Variants in GALK2 observed in about 807,000 individuals in gnomAD.
GALK2 encodes N-acetylgalactosamine kinase.
GALK2 carries 36 observed loss-of-function variants against 52.4 expected under a neutral mutation model. That is an observed-to-expected ratio of 0.69 (90% CI 0.53 to 0.91). The LOEUF (loss-of-function observed/expected upper bound fraction) is 0.91. Ranked by LOEUF, GALK2 falls within the 40% of genes least tolerant of loss-of-function variation. The pLI, the probability that GALK2 is intolerant of heterozygous loss-of-function variation, is 0.00. For missense variants in GALK2, 579 were observed against 559.1 expected (o/e 1.04, Z -0.36); for synonymous variants, 176 against 199.1 (o/e 0.88, Z 0.98).
intron 8 of GALK2, among the ~76,000 whole-genome samples, chr15:49,299,735 T>TTTCTTTC (rs1347140534): frequency 1.3e-4 from 10 of 77,530 alleles, no homozygotes; most frequent in African/African-American, 3.9e-4. Flanking sequence ...TCTTTCTTTC[T>TTTCTTTC]TTTCTTTCTT....
intron 7 of GALK2, among the ~76,000 whole-genome samples, chr15:49,288,677 G>A (rs1290058899): frequency 6.6e-6 from 1 of 152,192 alleles, no homozygotes; most frequent in Admixed American, 6.5e-5. Flanking sequence ...GAGCTGCATG[G>A]CAGAGGACAT....
intron 5 of GALK2, among the ~76,000 whole-genome samples, chr15:49,259,144 A>G (rs1036080317): frequency 1.3e-5 from 2 of 151,720 alleles, no homozygotes; most frequent in African/African-American, 2.4e-5. Context: ...GGAGATGATC[A>G]TAGACCTCAG....
At chr15:49,259,551 G>A (rs905022507) in intron 5 of GALK2, among the ~76,000 whole-genome samples, 4 of 148,936 alleles carry the variant, frequency 2.7e-5, no homozygotes, top group African/African-American at 5.0e-5. Context: ...AGTATTCCAT[G>A]GTGTATATGT....
At position 49,331,347 on chromosome 15, in the gene GALK2, TTTTC is replaced by T. The variant is rs1402492145; in HGVS notation, c.*3198_*3201del. 1 of 154,192 alleles carries T rather than the reference TTTTC, an allele frequency of 6.5e-6. No homozygotes were observed. Among genetic ancestry groups the T allele is most frequent in the Non-Finnish European group, 1.4e-5 (1 of 69,488 alleles). The allele number at this position is 154,192 out of a possible 1,614,324, so 9.6% of individuals were successfully genotyped here. A position where few individuals can be genotyped will look rare whatever the true frequency, so the allele number is the denominator to read the frequency against. On this transcript the variant is annotated 3_prime_UTR_variant, in exon 10 of 10. Coordinates refer to ENST00000560031, the MANE Select transcript of GALK2 (RefSeq NM_002044.4). ...CAGAAAGATGGAACAGGCTCCTTTCTTTTCTTTCTTTCTCATACTTGAGTCCTGT... is the reference window on the plus strand; with the variant it reads ...CAGAAAGATGGAACAGGCTCCTTTCTTTTCTTTCTCATACTTGAGTCCTGT...
chr15:49,258,351 A>G (rs1595860814), intron 5 of GALK2, among the ~76,000 whole-genome samples: 1 of 152,014 alleles, frequency 6.6e-6, no homozygotes, highest in African/African-American at 2.4e-5. Flanking sequence ...AGTATATTTT[A>G]AGGAAGTAAG....
At chr15:49,189,821 T>C (rs923765110) in intron 1 of GALK2, among the ~76,000 whole-genome samples, 3 of 152,182 alleles carry the variant, frequency 2.0e-5, no homozygotes, top group Non-Finnish European at 2.9e-5. Flanking sequence ...CTACTCAGAA[T>C]AGTGTGCAAT....
intron 8 of GALK2, among the ~76,000 whole-genome samples, chr15:49,299,730 CTTTCTTTTCTTTCTTTCTTTCTTTCTTT>C (rs1567037150): frequency 8.8e-5 from 4 of 45,208 alleles, no homozygotes; most frequent in African/African-American, 3.6e-4. Context: ...TTCTTTCTTT[CTTTCTTTTCTTTCTTTCTTTCTTTCTTT>C]CTTTCTTTCT....
chr15:49,216,299 C>T (rs1339262761), intron 2 of GALK2, among the ~76,000 whole-genome samples: 3 of 152,156 alleles, frequency 2.0e-5, no homozygotes, highest in Non-Finnish European at 4.4e-5. Flanking sequence ...CAGTGGATTC[C>T]CTCTGAATGA....
intron 5 of GALK2, among the ~76,000 whole-genome samples, chr15:49,251,478 C>T (rs909367266): frequency 6.6e-6 from 1 of 152,122 alleles, no homozygotes; most frequent in African/African-American, 2.4e-5. Context: ...AGAGTGCTGG[C>T]AGAGGTTCAT....
chr15:49,234,348 G>T (rs1282378146), intron 3 of GALK2, among the ~76,000 whole-genome samples: 1 of 151,996 alleles, frequency 6.6e-6, no homozygotes, highest in Non-Finnish European at 1.5e-5. Flanking sequence ...CTTTACTGGT[G>T]GTGTTAATTT....
intron 2 of GALK2, among the ~76,000 whole-genome samples, chr15:49,210,929 T>C (rs377432478): frequency 3.2e-4 from 48 of 149,084 alleles, no homozygotes; most frequent in African/African-American, 1.2e-3. Flanking sequence ...GTATTTTTAC[T>C]AGAGACGGGG....
At chr15:49,232,831 C>T (rs893745869) in intron 3 of GALK2, among the ~76,000 whole-genome samples, 4 of 152,192 alleles carry the variant, frequency 2.6e-5, no homozygotes, top group Non-Finnish European at 5.9e-5. Context: ...AGAAGTTCCT[C>T]ATTTTCATCT....
rs141235481 is a variant in GALK2 at position 49,309,774 on chromosome 15, C to T, written c.968-9830C>T. On this transcript the variant is annotated intron_variant, in intron 8 of 9. Coordinates refer to ENST00000560031, the MANE Select transcript of GALK2 (RefSeq NM_002044.4). ...TAGCTGGGATTACAGGCATGCCCCA[C>T]GACGCCCGGCTAATTTTGTATTTTT... Among the ~76,000 whole-genome samples the T allele has an allele frequency of 6.4e-3, 968 of 152,114 alleles. 15 individuals carry two copies. The highest frequency in any genetic ancestry group is 0.022 in the African/African-American group (912 of 41,468).
chr15:49,254,565 C>A (rs1482665180), intron 5 of GALK2, among the ~76,000 whole-genome samples: 2 of 142,880 alleles, frequency 1.4e-5, no homozygotes, highest in Non-Finnish European at 3.1e-5. Flanking sequence ...TATTTTAATT[C>A]TCATCAGGTT....
chr15:49,253,152 T>C (rs2091680007), intron 5 of GALK2, among the ~76,000 whole-genome samples: 1 of 145,252 alleles, frequency 6.9e-6, no homozygotes, highest in African/African-American at 2.5e-5. Flanking sequence ...TTTAGTCATA[T>C]TTAATCACAT....
chr15:49,295,734 C>G (rs758805901), intron 8 of GALK2, among the ~76,000 whole-genome samples: 2 of 152,102 alleles, frequency 1.3e-5, no homozygotes, highest in African/African-American at 2.4e-5. Context: ...GGCTTTTAAT[C>G]CTAAATACCA....
intron 3 of GALK2, among the ~76,000 whole-genome samples, chr15:49,345,351 A>C (rs1382157884): frequency 6.6e-6 from 1 of 151,838 alleles, no homozygotes; most frequent in Non-Finnish European, 1.5e-5. Flanking sequence ...TGTGCTGTAT[A>C]ATGAAGTGCT....
At chr15:49,213,184 C>T (rs888071192) in intron 2 of GALK2, among the ~76,000 whole-genome samples, 20 of 152,138 alleles carry the variant, frequency 1.3e-4, no homozygotes, top group African/African-American at 4.8e-4. Flanking sequence ...GCATTGGGTG[C>T]ACATATATTT....
chr15:49,260,973 T>C (rs894091255), intron 5 of GALK2, among the ~76,000 whole-genome samples: 2 of 151,948 alleles, frequency 1.3e-5, no homozygotes, highest in South Asian at 2.1e-4. Context: ...ACTGTAGCCT[T>C]GTAGTATAGT....
Sources: gnomAD v4.1 joint callset for allele counts (sites outside exome capture counted in the v4.1 genomes callset) on GRCh38, gnomAD v4.1.1 for gene constraint, MANE v1.5 for transcripts, NCBI Gene and HGNC (gene_info 2026-07-23, HGNC 2026-07-21) for gene names.